The following CEP55 variants were observed in gnomAD, a reference collection of about 807,000 sequenced individuals.
CEP55 encodes centrosomal protein of 55 kDa.
Under a neutral mutation model 63.2 loss-of-function variants are expected in CEP55, and 57 were observed. The ratio of observed to expected loss-of-function variants is 0.90; its 90% CI spans 0.73 to 1.13. The LOEUF (loss-of-function observed/expected upper bound fraction) is 1.13, where lower values mean the gene tolerates loss of function less well. Ranked by LOEUF, CEP55 falls within the 50% of genes most tolerant of loss-of-function variation. The probability of loss-of-function intolerance (pLI) is 0.00; values close to 1 mark genes in which losing one functional copy is unlikely to be tolerated. For missense variants in CEP55, 456 were observed against 518.9 expected (o/e 0.88, Z 1.18); for synonymous variants, 178 against 191.6 (o/e 0.93, Z 0.59).
At chr10:93,511,269 G>A (rs1243789628) in intron 4 of CEP55, among the ~76,000 whole-genome samples, 1 of 152,020 alleles carries the variant, frequency 6.6e-6, no homozygotes, top group Non-Finnish European at 1.5e-5. Context: ...GCCCACTTTT[G>A]TTCTACATTT....
chr10:93,522,840 G>A (rs796970886), intron 8 of CEP55, among the ~76,000 whole-genome samples: 5 of 152,290 alleles, frequency 3.3e-5, no homozygotes, highest in African/African-American at 1.2e-4. Context: ...GCCAGAGTAA[G>A]CTTCATAAGT....
At chr10:93,501,710 G>A (rs886700934) in intron 2 of CEP55, among the ~76,000 whole-genome samples, 1 of 152,034 alleles carries the variant, frequency 6.6e-6, no homozygotes, top group East Asian at 1.9e-4. Context: ...TGGTTAAACA[G>A]TATACCATTT....
intron 3 of CEP55, among the ~76,000 whole-genome samples, chr10:93,506,660 C>T (rs529291173): frequency 3.9e-5 from 6 of 152,184 alleles, no homozygotes; most frequent in African/African-American, 9.6e-5. Context: ...CTCCACCTCC[C>T]GGGTTCAAGT....
chr10:93,525,057 C>G (rs1040587484), intron 8 of CEP55, among the ~76,000 whole-genome samples: 10 of 151,102 alleles, frequency 6.6e-5, no homozygotes, highest in South Asian at 2.1e-4. Context: ...TCTCACCACT[C>G]CTATTCAACA....
chr10:93,528,657 A>G lies in CEP55; in HGVS notation c.*504A>G, dbSNP rs191623783. The stretch of plus-strand genomic sequence containing the variant: ...TTTCATATTGTATAGCGGTTATTAG[A>G]AAAGTTGGGGATTTTCTTGATCTTT... On this transcript the variant is annotated 3_prime_UTR_variant, in exon 9 of 9. Transcript: ENST00000371485. The G allele has an allele frequency of 1.8e-4, 27 of 154,018 alleles. No homozygotes were observed. Among genetic ancestry groups the G allele is most frequent in the Admixed American group, 1.7e-3 (27 of 15,534 alleles). The allele number at this position is 154,018 out of a possible 1,614,324, so 9.5% of individuals were successfully genotyped here.
At position 93,519,751 on chromosome 10, in the gene CEP55, G is replaced by A. The variant is rs200131118; in HGVS notation, c.1135G>A (p.Val379Ile). The change falls in exon 8 of 9, where the codon GTA becomes ATA. Residue 379 changes from valine to isoleucine, a missense_variant. Coordinates refer to ENST00000371485, the MANE Select transcript of CEP55 (RefSeq NM_018131.5). ...TCAACATGTGCAGCATCAATTGCAT[G>A]TAATTCTTAAGGAGCTCCGAAAAGC... ...DRQHVQHQLHVILKELRKARN... is the reference protein window; with the variant it reads ...DRQHVQHQLHIILKELRKARN... 8.1e-6 allele frequency: 13 copies of A among 1,614,124 alleles called. No homozygotes were observed. The highest frequency in any genetic ancestry group is 1.1e-5 in the South Asian group (1 of 91,076).
chr10:93,500,369 G>T, intron 2 of CEP55, 135 bp downstream of exon 2: 1 of 736,534 alleles, frequency 1.4e-6, no homozygotes, highest in East Asian at 2.7e-5. Flanking sequence ...GCTGACATTG[G>T]GTTTAGAATC....
rs999897631 is a variant in CEP55 at position 93,503,358 on chromosome 10, A to G, written c.429A>G (p.Glu143=). 1 of 1,614,168 alleles carries G rather than the reference A, an allele frequency of 6.2e-7. No individual in the cohort carries two copies. Among genetic ancestry groups the G allele is most frequent in the Non-Finnish European group, 8.5e-7 (1 of 1,180,000 alleles). Residue 143 remains glutamate, a synonymous_variant, in exon 3 of 9, where the codon GAA becomes GAG. Transcript: ENST00000371485. ...CAACCTCACGAATTGCTGAACTTGA[A>G]AGCAAAACCAATACACTCCGTTTAT... ...SAATSRIAEL[E]SKTNTLRLSQ...
Position 93,526,246 on chromosome 10 carries a change from A to T in CEP55, c.1192-1704A>T, listed in dbSNP as rs1482176197. ...GAACTTAAACAAATTTAAAAGAAAA[A>T]AACAACCCCATCAAAAAGTGGGTGA... On this transcript the variant is annotated intron_variant, in intron 8 of 8. Transcript: ENST00000371485. Among the ~76,000 whole-genome samples, 4 of 152,182 alleles carry T rather than the reference A, an allele frequency of 2.6e-5. No homozygotes were observed. In the East Asian group the frequency reaches 5.8e-4, roughly 22 times the overall value.
At chr10:93,527,921 A>G (rs1045053449) in intron 8 of CEP55, 29 bp from the exon 9 acceptor site, 10 of 1,588,932 alleles carry the variant, frequency 6.3e-6, no homozygotes, top group Admixed American at 1.8e-5. Context: ...CCTATTTACA[A>G]ATTCTATTAT....
At chr10:93,527,394 A>G (rs1389931738) in intron 8 of CEP55, among the ~76,000 whole-genome samples, 4 of 152,242 alleles carry the variant, frequency 2.6e-5, no homozygotes, top group African/African-American at 4.8e-5. Flanking sequence ...GTGTCCTAAT[A>G]AAACATATTC....
At chr10:93,526,822 C>G (rs182221941) in intron 8 of CEP55, among the ~76,000 whole-genome samples, 2,156 of 152,256 alleles carry the variant, frequency 0.014, 45 homozygotes, top group African/African-American at 0.049. Flanking sequence ...TCTCAGCAAA[C>G]TATCACAAGG....
At chr10:93,525,691 A>G (rs919393860) in intron 8 of CEP55, among the ~76,000 whole-genome samples, 67 of 152,030 alleles carry the variant, frequency 4.4e-4, no homozygotes, top group African/African-American at 1.6e-3. Context: ...AAACTATACT[A>G]CAAGGCTACA....
chr10:93,501,184 C>A (rs2057631718), intron 2 of CEP55, among the ~76,000 whole-genome samples: 1 of 152,074 alleles, frequency 6.6e-6, no homozygotes, highest in Non-Finnish European at 1.5e-5. Flanking sequence ...GGTTTTCAGG[C>A]TTTTGAAGGA....
chr10:93,521,209 T>C (rs1170105997), intron 8 of CEP55, among the ~76,000 whole-genome samples: 2 of 151,998 alleles, frequency 1.3e-5, no homozygotes, highest in African/African-American at 2.4e-5. Context: ...AGGAAAGGGG[T>C]GACTGACGGC....
chr10:93,500,307 C>T (rs190631569), intron 2 of CEP55, 73 bp downstream of exon 2: 7 of 1,213,428 alleles, frequency 5.8e-6, no homozygotes, highest in Non-Finnish European at 8.3e-6. Flanking sequence ...CTGATGCTAC[C>T]TTCTTACTCT....
intron 2 of CEP55, among the ~76,000 whole-genome samples, chr10:93,500,635 G>C (rs1360744624): frequency 6.6e-6 from 1 of 152,006 alleles, no homozygotes; most frequent in East Asian, 1.9e-4. Flanking sequence ...TGGTAATTTA[G>C]CTTAACTACA....
chr10:93,507,107 T>G (rs757338529), intron 4 of CEP55, 51 bp downstream of exon 4: 1 of 1,091,374 alleles, frequency 9.2e-7, no homozygotes, highest in Non-Finnish European at 1.4e-6. Context: ...ATTCATTTAT[T>G]CTTAAGTTTT....
At chr10:93,507,574 C>A (rs569501202) in intron 4 of CEP55, among the ~76,000 whole-genome samples, 1 of 152,090 alleles carries the variant, frequency 6.6e-6, no homozygotes, top group African/African-American at 2.4e-5. Flanking sequence ...CCACCAAATA[C>A]CTCAATAACA....
Sources: allele counts gnomAD v4.1 joint callset (sites outside exome capture counted in the v4.1 genomes callset), GRCh38; gene constraint gnomAD v4.1.1; transcripts MANE v1.5; gene names NCBI Gene and HGNC (gene_info 2026-07-23, HGNC 2026-07-21).